The following ACBD3 variants were observed in gnomAD, a reference collection of about 807,000 sequenced individuals.
ACBD3 encodes the protein Golgi resident protein GCP60.
A neutral mutation model predicts 66.9 loss-of-function variants in ACBD3; 30 were observed. That is an observed-to-expected ratio of 0.45 (90% CI 0.34 to 0.61). The LOEUF is 0.61. Among genes scored for constraint, ACBD3 ranks in the 20% least tolerant of loss-of-function variants. The probability of loss-of-function intolerance (pLI) is 0.02; values close to 1 mark genes in which losing one functional copy is unlikely to be tolerated. For synonymous variants in ACBD3, 278 were observed against 259.8 expected (o/e 1.07, Z -0.68); for missense variants, 544 against 664.5 (o/e 0.82, Z 1.99).
At chr1:226,170,382 C>A (rs1432947278) in intron 1 of ACBD3, among the ~76,000 whole-genome samples, 1 of 134,120 alleles carries the variant, frequency 7.5e-6, no homozygotes, top group Non-Finnish European at 1.5e-5. Flanking sequence ...CACCATGTTA[C>A]CCAGGATGAT....
At chr1:226,156,857 A>G (rs1412534367) in intron 5 of ACBD3, among the ~76,000 whole-genome samples, 1 of 152,222 alleles carries the variant, frequency 6.6e-6, no homozygotes, top group Non-Finnish European at 1.5e-5. Flanking sequence ...TTGATGATCA[A>G]TAGGCCCAGC....
chr1:226,169,558 ATTTTTTTTTTT>A (rs71168969), intron 1 of ACBD3, among the ~76,000 whole-genome samples: 2 of 52,340 alleles, frequency 3.8e-5, no homozygotes, highest in South Asian at 1.6e-3. Flanking sequence ...CTGCCTGGCT[ATTTTTTTTTTT>A]TTTTTTTTTT....
At chr1:226,175,548 A>T (rs1334778178) in intron 1 of ACBD3, among the ~76,000 whole-genome samples, 1 of 152,248 alleles carries the variant, frequency 6.6e-6, no homozygotes, top group Non-Finnish European at 1.5e-5. Context: ...AGCAATGAAT[A>T]ACATAAAAAC....
chr1:226,157,238 A>G (rs1009109244), intron 5 of ACBD3, among the ~76,000 whole-genome samples: 1 of 93,296 alleles, frequency 1.1e-5, no homozygotes. Context: ...AATCTCAATT[A>G]TGGATTTTTT....
intron 1 of ACBD3, among the ~76,000 whole-genome samples, chr1:226,167,481 T>C (rs931937679): frequency 2.0e-5 from 3 of 152,352 alleles, no homozygotes; most frequent in Non-Finnish European, 4.4e-5. Flanking sequence ...GGTTTCCATA[T>C]AGGCAATTAA....
chr1:226,147,774 G>A (rs1269002514), intron 7 of ACBD3, among the ~76,000 whole-genome samples: 1 of 152,126 alleles, frequency 6.6e-6, no homozygotes, highest in African/African-American at 2.4e-5. Flanking sequence ...GAACTGTAAT[G>A]CTATGAGGTT....
intron 3 of ACBD3, among the ~76,000 whole-genome samples, chr1:226,162,883 G>A (rs185871288): frequency 6.7e-5 from 10 of 150,034 alleles, no homozygotes; most frequent in East Asian, 1.9e-4. Context: ...TGCAACCTCC[G>A]CCTCCCAGGC....
Position 226,186,524 on chromosome 1 carries a change from G to T in ACBD3, c.152C>A (p.Pro51Gln). ...PPSPPGSGRG[P>Q]GASGEQPEPG... Reference sequence around the variant, plus strand: ...CTCGGGCTGCTCCCCTGAGGCGCCCGGGCCGCGACCGGATCCAGGTGGCGA... The same window carrying T: ...CTCGGGCTGCTCCCCTGAGGCGCCCTGGCCGCGACCGGATCCAGGTGGCGA... Residue 51 changes from proline to glutamine, a missense_variant, in exon 1 of 8, where the codon CCG becomes CAG. This residue lies in a region of ACBD3 where 137 missense variants were observed against 145.9 expected (regional missense o/e 0.94). Coordinates refer to ENST00000366812, the MANE Select transcript of ACBD3 (RefSeq NM_022735.4). 1.4e-6 allele frequency: 2 copies of T among 1,393,724 alleles called. No individual in the cohort carries two copies. The highest frequency in any genetic ancestry group is 9.3e-7 in the Non-Finnish European group (1 of 1,079,958). 86.3% of individuals were successfully genotyped at this position (1,393,724 alleles called of 1,614,324 possible). A position where few individuals can be genotyped will look rare whatever the true frequency, so the allele number is the denominator to read the frequency against.
At position 226,152,397 on chromosome 1, in the gene ACBD3, G is replaced by T. The variant is rs1379193993; in HGVS notation, c.1313C>A (p.Ser438Tyr). ...ATGCACGCTGACAGCAGTGTTTGGA[G>T]AGTCTGTCCATTCAAAATACACCCC... is the stretch of plus-strand genomic sequence containing the variant. ...GFGVYFEWTD[S>Y]PNTAVSVHVS... Residue 438 changes from serine (S) to tyrosine (Y), a missense_variant, in exon 7 of 8, where the codon TCT becomes TAT. Coordinates refer to ENST00000366812, the MANE Select transcript of ACBD3 (RefSeq NM_022735.4). 2 of 1,614,078 alleles carry T rather than the reference G, an allele frequency of 1.2e-6. No homozygotes were observed. Among genetic ancestry groups the T allele is most frequent in the African/African-American group, 2.7e-5 (2 of 74,930 alleles).
intron 7 of ACBD3, among the ~76,000 whole-genome samples, chr1:226,147,360 G>C (rs1183814799): frequency 6.6e-6 from 1 of 152,226 alleles, no homozygotes; most frequent in Non-Finnish European, 1.5e-5. Context: ...TGGGAGCCCA[G>C]TGATGAACAT....
intron 3 of ACBD3, 145 bp from the exon 4 acceptor site, chr1:226,161,834 G>A: frequency 2.2e-6 from 2 of 890,632 alleles, no homozygotes; most frequent in Non-Finnish European, 3.3e-6. Context: ...CACTTTACTA[G>A]CAGAAACTTA....
chr1:226,165,648 G>T (rs1219664), intron 2 of ACBD3, among the ~76,000 whole-genome samples: 152,237 of 152,322 alleles, frequency 1, 76,076 homozygotes, highest in Middle Eastern at 1. Flanking sequence ...ATGTTCATAA[G>T]CAGATGAATA....
In ACBD3 at chr1:226,145,399, CTT is replaced by C. The variant is rs1361658052; in HGVS notation, c.*1209_*1210del. 1 of 152,372 alleles carries C rather than the reference CTT, an allele frequency of 6.6e-6. No individual in the cohort carries two copies. The highest frequency in any genetic ancestry group is 1.5e-5 in the Non-Finnish European group (1 of 68,004). 9.4% of individuals were successfully genotyped at this position (152,372 alleles called of 1,614,324 possible). ...AACAACATTAAGTGTATATTGCCAT[CTT>C]TGTCATTTTCTATCTATACCACTCT... On this transcript the variant is annotated 3_prime_UTR_variant, in exon 8 of 8. Coordinates refer to ENST00000366812, the MANE Select transcript of ACBD3 (RefSeq NM_022735.4).
intron 6 of ACBD3, among the ~76,000 whole-genome samples, chr1:226,152,990 C>A (rs1389118974): frequency 3.3e-5 from 5 of 152,218 alleles, no homozygotes; most frequent in Non-Finnish European, 5.9e-5. Context: ...GAATAAATTA[C>A]TCTTGTGGAT....
chr1:226,158,609 TA>T (rs1409403423), intron 5 of ACBD3, among the ~76,000 whole-genome samples: 5 of 152,240 alleles, frequency 3.3e-5, no homozygotes, highest in Admixed American at 2.6e-4. Flanking sequence ...ATCCAAGTGT[TA>T]TGAGACTCCC....
intron 1 of ACBD3, among the ~76,000 whole-genome samples, chr1:226,174,178 A>T (rs1048533145): frequency 6.6e-6 from 1 of 152,194 alleles, no homozygotes; most frequent in African/African-American, 2.4e-5. Flanking sequence ...AAACTCAAAA[A>T]TCTTTAACCA....
In ACBD3 at chr1:226,161,437, C is replaced by CTT. The variant is rs1659771867; in HGVS notation, c.728+93_728+94insAA. On this transcript the variant is annotated intron_variant, in intron 4 of 7. Transcript: ENST00000366812. ...CCTCCCAAAGTGCTGGGATTACAGG[C>CTT]GTGAACCACCACACCTGGCCCGCTC... 96 of 1,547,034 alleles carry CTT rather than the reference C, an allele frequency of 6.2e-5. No individual in the cohort carries two copies. In the South Asian group the frequency reaches 1.1e-3, roughly 17 times the overall value.
At chr1:226,160,889 C>T (rs1039884662) in intron 4 of ACBD3, among the ~76,000 whole-genome samples, 6 of 152,218 alleles carry the variant, frequency 3.9e-5, no homozygotes, top group African/African-American at 1.4e-4. Context: ...GATTCTCTGT[C>T]CTGGGAAACT....
chr1:226,163,786 A>C (rs1018334045), intron 3 of ACBD3, among the ~76,000 whole-genome samples: 6 of 152,118 alleles, frequency 3.9e-5, no homozygotes, highest in African/African-American at 1.4e-4. Context: ...GTTATTTCTA[A>C]TCCAGGTTAA....
Sources: gnomAD v4.1 joint callset for allele counts (sites outside exome capture counted in the v4.1 genomes callset) on GRCh38, gnomAD v4.1.1 for gene constraint, gnomAD v4.1.1 regional missense constraint, MANE v1.5 for transcripts, NCBI Gene and HGNC (gene_info 2026-07-23, HGNC 2026-07-21) for gene names.